The following SZT2 variants were observed in gnomAD, a reference collection of about 807,000 sequenced individuals.
SZT2 encodes the protein KICSTOR complex protein SZT2.
In SZT2, 216 loss-of-function variants were observed where a neutral mutation model predicts 404.2. That is an observed-to-expected ratio of 0.53 (90% CI 0.48 to 0.60). The LOEUF is 0.60. Among genes scored for constraint, SZT2 ranks in the 20% least tolerant of loss-of-function variants. SZT2 has a pLI of 0.00. For missense variants in SZT2, 3,857 were observed against 4,459.2 expected (o/e 0.86, Z 3.85); for synonymous variants, 1,693 against 1,749.9 (o/e 0.97, Z 0.81).
At position 43,446,935 on chromosome 1, in the gene SZT2, T is replaced by A. The variant is rs1655744009; in HGVS notation, c.9073-20T>A. ...AGTGCAGCCATACCTTAACCCTGTCTCCTGCTGCTGCCTCCCCAGCTGTCC... is the reference window on the plus strand; with the variant it reads ...AGTGCAGCCATACCTTAACCCTGTCACCTGCTGCTGCCTCCCCAGCTGTCC... On this transcript the variant is annotated intron_variant, in intron 65 of 71. Coordinates refer to ENST00000634258, the MANE Select transcript of SZT2 (RefSeq NM_001365999.1). 6.2e-7 allele frequency: 1 copy of A among 1,601,702 alleles called. No individual in the cohort carries two copies. The highest frequency in any genetic ancestry group is 1.3e-5 in the African/African-American group (1 of 74,898).
rs1003925901 is a variant in SZT2, at chr1:43,428,928, A to G, written c.4166+442A>G. On this transcript the variant is annotated intron_variant, in intron 28 of 71. Coordinates refer to ENST00000634258, the MANE Select transcript of SZT2 (RefSeq NM_001365999.1). Reference sequence around the variant, plus strand: ...GGGAGGAAGGGGAGGAGAGAAGGAGAAAGGCAAGCAGGCAGACAGCTATGG... The same window carrying G: ...GGGAGGAAGGGGAGGAGAGAAGGAGGAAGGCAAGCAGGCAGACAGCTATGG... 7 of 191,916 alleles carry G rather than the reference A, an allele frequency of 3.6e-5. No individual in the cohort carries two copies. In the Admixed American group the frequency reaches 3.7e-4, roughly 10 times the overall value. 11.9% of individuals were successfully genotyped at this position (191,916 alleles called of 1,614,324 possible).
chr1:43,423,257 C>T lies in SZT2; in HGVS notation c.2196C>T (p.Ala732=). ...CCCCCGTGCTGGGGCCACAGCAGGC[C>T]CTGTCTGACCGGCCCTGCCTTGTGG... ...KSPPVLGPQQ[A]LSDRPCLVVL... The change falls in exon 15 of 72, where the codon GCC becomes GCT. Residue 732 remains alanine (A), a synonymous_variant. Transcript: ENST00000634258. 1.9e-6 allele frequency: 3 copies of T among 1,579,978 alleles called. No homozygotes were observed. In the South Asian group the frequency reaches 3.4e-5, roughly 18 times the overall value.
Position 43,454,060 on chromosome 1 carries a change from A to G in SZT2, c.*3580A>G. Reference sequence around the variant, plus strand: ...GGACCCGCGCCTGGAGAAGGTAGGGAGGCCGAGCTCCAGGGCCTGAGAGCC... The same window carrying G: ...GGACCCGCGCCTGGAGAAGGTAGGGGGGCCGAGCTCCAGGGCCTGAGAGCC... On this transcript the variant is annotated 3_prime_UTR_variant, in exon 72 of 72. Coordinates refer to ENST00000634258, the MANE Select transcript of SZT2 (RefSeq NM_001365999.1). 8.8e-7 allele frequency: 1 copy of G among 1,132,116 alleles called. No homozygotes were observed. The allele number at this position is 1,132,116 out of a possible 1,614,324, so 70.1% of individuals were successfully genotyped here.
rs1364454312 is a variant in SZT2 at position 43,403,793 on chromosome 1, A to T, written c.327+19A>T. The T allele has an allele frequency of 6.2e-7, 1 of 1,609,034 alleles. No homozygotes were observed. The highest frequency in any genetic ancestry group is 8.5e-7 in the Non-Finnish European group (1 of 1,175,776). On this transcript the variant is annotated intron_variant, in intron 3 of 71. Coordinates refer to ENST00000634258, the MANE Select transcript of SZT2 (RefSeq NM_001365999.1). The stretch of plus-strand genomic sequence containing the variant: ...CATTGTGGTAAAGGATTGAAGGGAG[A>T]CTGTGGGAAGAAAGGATGGGGTGGG...
chr1:43,428,183 G>C (rs569337443), intron 27 of SZT2, 57 bp from the exon 28 acceptor site: 1 of 1,612,002 alleles, frequency 6.2e-7, no homozygotes, highest in East Asian at 2.2e-5. Flanking sequence ...TTACAGGGTG[G>C]GGACTGGAGA....
At position 43,416,076 on chromosome 1, in the gene SZT2, G is replaced by A; in HGVS notation, c.747G>A (p.Gln249=). 6.3e-7 allele frequency: 1 copy of A among 1,598,434 alleles called. No homozygotes were observed. The highest frequency in any genetic ancestry group is 8.5e-7 in the Non-Finnish European group (1 of 1,179,818). The stretch of plus-strand genomic sequence containing the variant: ...TTCGTCAGGGCATCTTGGCACTGCA[G>A]TTACTACCCTCGAACTCTAGTGCAG... ...SMIRQGILAL[Q]LLPSNSSAGI... Residue 249 remains glutamine, a synonymous_variant, in exon 6 of 72, where the codon CAG becomes CAA. Transcript: ENST00000634258.
In SZT2 at chr1:43,404,448, G is replaced by C. The variant is rs1351810457; in HGVS notation, c.396G>C (p.Leu132=). 3 of 1,614,028 alleles carry C rather than the reference G, an allele frequency of 1.9e-6. No individual in the cohort carries two copies. Among genetic ancestry groups the C allele is most frequent in the Admixed American group, 3.3e-5 (2 of 60,022 alleles). ...FHALSRCLGG[L]LRPFRVPGSC... ...CCCTGTCCCGCTGCTTAGGCGGGCT[G>C]CTTCGGCCCTTCCGAGTGCCTGGAT... The change falls in exon 4 of 72, where the codon CTG becomes CTC. Residue 132 remains leucine, a synonymous_variant. Transcript: ENST00000634258.
In SZT2 at chr1:43,448,168, T is replaced by A; in HGVS notation, c.9653T>A (p.Leu3218Gln). 6.2e-7 allele frequency: 1 copy of A among 1,611,882 alleles called. No individual in the cohort carries two copies. Residue 3218 changes from leucine (L) to glutamine (Q), a missense_variant, in exon 69 of 72, where the codon CTG becomes CAG. This residue lies in a region of SZT2 where 717 missense variants were observed against 868.2 expected (regional missense o/e 0.83). Coordinates refer to ENST00000634258, the MANE Select transcript of SZT2 (RefSeq NM_001365999.1). The surrounding 1 kb of genome is among the most constrained non-coding windows in gnomAD (Gnocchi z 4.2). Reference sequence around the variant, plus strand: ...CGCCGCTTCCGGAAGCCACCCAGACTGCCCCCTGAGCCAGAGGCTCCTGGG... The same window carrying A: ...CGCCGCTTCCGGAAGCCACCCAGACAGCCCCCTGAGCCAGAGGCTCCTGGG... The part of the protein sequence containing the change: ...DMRRFRKPPR[L>Q]PPEPEAPGSS...
intron 1 of SZT2, among the ~76,000 whole-genome samples, chr1:43,399,450 A>G (rs940881195): frequency 6.0e-5 from 9 of 149,686 alleles, no homozygotes; most frequent in South Asian, 2.1e-4. Context: ...TCTAAATCAC[A>G]CAGTAGCCAG....
At chr1:43,409,401 G>GA in intron 4 of SZT2, 1 of 301,130 alleles carries the variant, frequency 3.3e-6, no homozygotes, top group Middle Eastern at 4.2e-4. Context: ...GTAAAAGAGA[G>GA]AAAAGTGAAG....
At chr1:43,390,084 G>A in intron 1 of SZT2, 89 bp downstream of exon 1, 2 of 1,323,062 alleles carry the variant, frequency 1.5e-6, no homozygotes, top group Non-Finnish European at 1.9e-6. Flanking sequence ...CTCTAGGTCT[G>A]GGGGTGGCCG....
In SZT2 at chr1:43,389,918, T is replaced by C; in HGVS notation, c.-51T>C. 6.5e-7 allele frequency: 1 copy of C among 1,533,356 alleles called. No individual in the cohort carries two copies. The allele number at this position is 1,533,356 out of a possible 1,614,324, so 95.0% of individuals were successfully genotyped here. On this transcript the variant is annotated 5_prime_UTR_variant, in exon 1 of 72. Coordinates refer to ENST00000634258, the MANE Select transcript of SZT2 (RefSeq NM_001365999.1). ...GGTGCCGAGGTAGCGAGGTCAGGGG[T>C]CAAGAGTGGAACACCCTCACTGGCC...
chr1:43,427,804 T>C (rs1653362224), intron 26 of SZT2, 70 bp downstream of exon 26: 1 of 1,542,918 alleles, frequency 6.5e-7, no homozygotes, highest in Non-Finnish European at 8.8e-7. Flanking sequence ...AAGTACACAC[T>C]AATAGGCGTG....
chr1:43,399,051 G>A (rs1649343206), intron 1 of SZT2, among the ~76,000 whole-genome samples: 1 of 151,744 alleles, frequency 6.6e-6, no homozygotes, highest in Non-Finnish European at 1.5e-5. Context: ...CTACACTCCA[G>A]CCTAGGCGAC....
rs1292631437 is a variant in SZT2 at position 43,441,239 on chromosome 1, G to T, written c.7370G>T (p.Gly2457Val). ...MLSKTECGDL[G>V]SPKTTDDIVL... Reference sequence around the variant, plus strand: ...AGTAAAACAGAATGTGGGGATTTGGGTTCCCCCAAAACAACTGATGACATT... The same window carrying T: ...AGTAAAACAGAATGTGGGGATTTGGTTTCCCCCAAAACAACTGATGACATT... The change falls in exon 53 of 72, where the codon GGT becomes GTT. Residue 2457 changes from glycine to valine, a missense_variant. This residue lies in a region of SZT2 where 573 missense variants were observed against 592.4 expected (regional missense o/e 0.97). Transcript: ENST00000634258. This position sits in a 1 kb window ranked among gnomAD's most constrained non-coding sequence, Gnocchi z 4.8. 1 of 1,614,056 alleles carries T rather than the reference G, an allele frequency of 6.2e-7. No individual in the cohort carries two copies. The highest frequency in any genetic ancestry group is 1.3e-5 in the African/African-American group (1 of 74,928).
At chr1:43,434,315 A>C in intron 40 of SZT2, 71 bp from the exon 41 acceptor site, 1 of 1,327,044 alleles carries the variant, frequency 7.5e-7, no homozygotes, top group East Asian at 2.5e-5. Flanking sequence ...CAGTTATGTC[A>C]TATACATATC....
At chr1:43,449,680 C>T (rs1379251894) in intron 70 of SZT2, 2 of 271,054 alleles carry the variant, frequency 7.4e-6, no homozygotes, top group Non-Finnish European at 1.5e-5. Context: ...GTAACTGAAG[C>T]CTTGGGAGAG....
rs781722131 is a variant in SZT2 at position 43,432,597 on chromosome 1, A to C, written c.5523A>C (p.Pro1841=). 4.9e-5 allele frequency: 79 copies of C among 1,613,754 alleles called. No homozygotes were observed. Among genetic ancestry groups the C allele is most frequent in the Non-Finnish European group, 6.4e-5 (76 of 1,179,888 alleles). ...GVPLISLPRV[P]QGGSQPGPSR... is the part of the protein sequence containing the mutation. ...CCCTCATCAGCCTGCCCCGCGTGCC[A>C]CAGGGAGGTAAGAGAGGACTTGGGC... Residue 1841 remains proline (P), a synonymous_variant, in exon 38 of 72, where the codon CCA becomes CCC. Transcript: ENST00000634258.
In SZT2 at chr1:43,403,316, A is replaced by G. The variant is rs780414198; in HGVS notation, c.153+14A>G. On this transcript the variant is annotated intron_variant, in intron 2 of 71. Transcript: ENST00000634258. Reference sequence around the variant, plus strand: ...CAGGAGATGCTGGTGAGGCTTAGACACACGAAAGGTGTGAGGGGCCAGCCC... The same window carrying G: ...CAGGAGATGCTGGTGAGGCTTAGACGCACGAAAGGTGTGAGGGGCCAGCCC... The G allele has an allele frequency of 1.2e-6, 2 of 1,609,672 alleles. No homozygotes were observed. Among genetic ancestry groups the G allele is most frequent in the South Asian group, 1.1e-5 (1 of 90,510 alleles).
Sources: gnomAD v4.1 joint callset for allele counts (sites outside exome capture counted in the v4.1 genomes callset) on GRCh38, gnomAD v4.1.1 for gene constraint, gnomAD v4.1.1 regional missense constraint, Gnocchi (gnomAD v3.1) non-coding constraint, MANE v1.5 for transcripts, NCBI Gene and HGNC (gene_info 2026-07-23, HGNC 2026-07-21) for gene names.